Variants in RNF125 observed in about 807,000 individuals in gnomAD.
RNF125 encodes ring finger protein 125.
Under a neutral mutation model 26.0 loss-of-function variants are expected in RNF125, and 21 were observed. That is an observed-to-expected ratio of 0.81 (90% confidence interval 0.57 to 1.16). The LOEUF (loss-of-function observed/expected upper bound fraction) is 1.16, where lower values mean the gene tolerates loss of function less well. Ranked by LOEUF, RNF125 falls within the 50% of genes most tolerant of loss-of-function variation. The pLI is 0.00. For missense variants in RNF125, 270 were observed against 299.4 expected (o/e 0.90, Z 0.72); for synonymous variants, 95 against 109.2 (o/e 0.87, Z 0.81).
chr18:32,037,548 A>G (rs1568197121), intron 2 of RNF125, among the ~76,000 whole-genome samples: 1 of 150,954 alleles, frequency 6.6e-6, no homozygotes, highest in South Asian at 2.1e-4. Flanking sequence ...AATTTTTTGT[A>G]TTTTTAGTAG....
chr18:32,020,124 T>C (rs2038973062), intron 1 of RNF125, among the ~76,000 whole-genome samples: 1 of 151,652 alleles, frequency 6.6e-6, no homozygotes, highest in Non-Finnish European at 1.5e-5. Context: ...CTCCGCCCAC[T>C]GCAACCTCCG....
chr18:32,081,193 G>GA, the RNF125 span, among the ~76,000 whole-genome samples: 56,777 of 104,072 alleles, frequency 0.55, 15,381 homozygotes, highest in Admixed American at 0.66. Context: ...GACTACATCT[G>GA]AAAAAAAAAA....
Position 32,028,163 on chromosome 18 carries a change from T to A in RNF125, c.165-8953T>A, listed in dbSNP as rs1001893399. On this transcript the variant is annotated intron_variant, in intron 1 of 5. Coordinates refer to ENST00000217740, the MANE Select transcript of RNF125 (RefSeq NM_017831.4). ...AATACAAAAAATTAGCCGGGCATGG[T>A]GGCGGGTGCCTGTAGTCCCAGCTAC... Among the ~76,000 whole-genome samples the A allele has an allele frequency of 2.8e-4, 43 of 151,820 alleles. No homozygotes were observed. In the East Asian group the frequency reaches 8.3e-3, roughly 29 times the overall value.
chr18:32,046,799 GTTC>G (rs896453360), intron 4 of RNF125, among the ~76,000 whole-genome samples: 2 of 152,018 alleles, frequency 1.3e-5, no homozygotes, highest in Non-Finnish European at 2.9e-5. Context: ...TGGCGTTTTA[GTTC>G]TTCTTTGTAG....
chr18:32,043,865 G>A (rs2039242811), intron 3 of RNF125, among the ~76,000 whole-genome samples: 1 of 152,080 alleles, frequency 6.6e-6, no homozygotes, highest in Non-Finnish European at 1.5e-5. Context: ...TACACCTAGA[G>A]TTTGTCCAGA....
At chr18:32,047,204 T>C (rs1056800345) in intron 4 of RNF125, among the ~76,000 whole-genome samples, 4 of 152,138 alleles carry the variant, frequency 2.6e-5, no homozygotes, top group African/African-American at 9.7e-5. Flanking sequence ...GCCCGGCTAA[T>C]TTTTTGTATT....
chr18:32,032,424 G>T (rs373325865), intron 1 of RNF125, among the ~76,000 whole-genome samples: 2 of 151,568 alleles, frequency 1.3e-5, no homozygotes, highest in African/African-American at 4.8e-5. Context: ...TGTTGGCCAG[G>T]CTGGTCTCGA....
intron 1 of RNF125, among the ~76,000 whole-genome samples, chr18:32,036,231 G>A (rs2039152805): frequency 6.6e-6 from 1 of 151,288 alleles, no homozygotes; most frequent in Non-Finnish European, 1.5e-5. Context: ...TATAGGTACT[G>A]GTTATATGGA....
chr18:32,081,298 A>G, the RNF125 span, among the ~76,000 whole-genome samples: 8 of 152,182 alleles, frequency 5.3e-5, no homozygotes, highest in African/African-American at 1.7e-4. Context: ...ACCATGGTGT[A>G]TATATAGTTC....
rs769263274 is a variant in RNF125, at chr18:32,065,991, G to T, written c.594G>T (p.Leu198Phe). Residue 198 changes from leucine (L) to phenylalanine (F), a missense_variant, in exon 5 of 6, where the codon TTG (leucine) becomes TTT (phenylalanine). Coordinates refer to ENST00000217740, the MANE Select transcript of RNF125 (RefSeq NM_017831.4). The part of the protein sequence containing the change: ...LIRHLQVSHT[L>F]FYDDFIDFNI... ...GACATCTGCAAGTTAGTCACACTTTGTTTTATGATGATTTCATAGTAAGTA... is the reference window on the plus strand; with the variant it reads ...GACATCTGCAAGTTAGTCACACTTTTTTTTATGATGATTTCATAGTAAGTA... The T allele has an allele frequency of 1.9e-6, 3 of 1,598,216 alleles. No homozygotes were observed. The Admixed American group carries it at 5.0e-5, about 27-fold the overall frequency.
downstream of RNF125, chr18:32,076,296 G>T: frequency 3.1e-6 from 1 of 327,766 alleles, no homozygotes; most frequent in South Asian, 3.1e-5. Flanking sequence ...AAAGATTGTG[G>T]AAAGAGGTTT....
At chr18:32,029,270 C>T (rs1254006064) in intron 1 of RNF125, among the ~76,000 whole-genome samples, 2 of 152,018 alleles carry the variant, frequency 1.3e-5, no homozygotes, top group Non-Finnish European at 2.9e-5. Context: ...TCTGCCTTAT[C>T]TTCTATTAGA....
At chr18:32,040,953 G>T (rs200743133) in intron 2 of RNF125, among the ~76,000 whole-genome samples, 2 of 152,204 alleles carry the variant, frequency 1.3e-5, no homozygotes, top group East Asian at 3.9e-4. Context: ...GTAAAGCCAG[G>T]GTTTTGTTCT....
At chr18:32,031,486 G>GAAAAAAAAAAAAAAAAAAA (rs745809061) in intron 1 of RNF125, 1 of 20,956 alleles carries the variant, frequency 4.8e-5, no homozygotes, top group African/African-American at 1.1e-4. Context: ...CAAATTGTGG[G>GAAAAAAAAAAAAAAAAAAA]AAAAAAAAAA....
chr18:32,067,389 G>A (rs951888200), intron 5 of RNF125, among the ~76,000 whole-genome samples: 4 of 152,212 alleles, frequency 2.6e-5, no homozygotes, highest in South Asian at 2.1e-4. Context: ...GCAGGATGAA[G>A]CCACTTTGAT....
intron 4 of RNF125, among the ~76,000 whole-genome samples, chr18:32,054,272 T>C (rs547298367): frequency 6.6e-6 from 1 of 152,134 alleles, no homozygotes; most frequent in East Asian, 1.9e-4. Context: ...TTTGTATTTT[T>C]AGTAGAAACG....
intron 3 of RNF125, among the ~76,000 whole-genome samples, chr18:32,044,890 G>A (rs1389189388): frequency 1.3e-5 from 2 of 151,926 alleles, no homozygotes; most frequent in Non-Finnish European, 2.9e-5. Context: ...GGAGGTCAAG[G>A]CGGGTGGATT....
At chr18:32,036,760 A>G (rs965265684) in intron 1 of RNF125, among the ~76,000 whole-genome samples, 13 of 152,064 alleles carry the variant, frequency 8.5e-5, no homozygotes, top group African/African-American at 3.1e-4. Flanking sequence ...GACACACAAA[A>G]CCCCACAGAA....
chr18:32,041,583 G>A (rs913117564), intron 2 of RNF125, among the ~76,000 whole-genome samples: 2 of 140,032 alleles, frequency 1.4e-5, no homozygotes, highest in African/African-American at 5.3e-5. Context: ...GTAAATTTGA[G>A]TCACCACACA....
Sources: allele counts gnomAD v4.1 joint callset (sites outside exome capture counted in the v4.1 genomes callset), GRCh38; gene constraint gnomAD v4.1.1; transcripts MANE v1.5; gene names NCBI Gene and HGNC (gene_info 2026-07-23, HGNC 2026-07-21).